HPS3: variants seen among roughly 807,000 people sequenced by gnomAD.
HPS3 encodes HPS3 biogenesis of lysosomal organelles complex 2 subunit 1.
HPS3 carries 79 observed loss-of-function variants against 110.9 expected under a neutral mutation model. The observed-to-expected ratio is 0.71, with a 90% CI of 0.59 to 0.86. The LOEUF (loss-of-function observed/expected upper bound fraction) is 0.86. Among genes scored for constraint, HPS3 ranks in the 40% least tolerant of loss-of-function variants. The pLI, the probability that HPS3 is intolerant of heterozygous loss-of-function variation, is 0.00. For synonymous variants in HPS3, 428 were observed against 451.0 expected, an observed-to-expected ratio of 0.95 and a Z score of 0.65; for missense variants, 1,197 against 1,206.2, an observed-to-expected ratio of 0.99 and a Z score of 0.11.
chr3:149,165,958 G>A, intron 14 of HPS3: 1 of 453,792 alleles, frequency 2.2e-6, no homozygotes, highest in Non-Finnish European at 4.4e-6. Context: ...TATTCTCCTG[G>A]TCATTCCTTG....
intron 8 of HPS3, among the ~76,000 whole-genome samples, chr3:149,157,135 A>G (rs1460466551): frequency 6.6e-6 from 1 of 152,230 alleles, no homozygotes; most frequent in Non-Finnish European, 1.5e-5. Flanking sequence ...GGTATTATTT[A>G]TAATCATGTA....
Position 149,145,428 on chromosome 3 carries a change from CCTCATGTGGGCTAT to C in HPS3, c.1049_1062del (p.His350LeufsTer8). On this transcript the variant is annotated frameshift_variant, in exon 5 of 17. Transcript: ENST00000296051. LOFTEE classifies it high-confidence loss of function. ...GAGTCTCTTTTGCTTTTTCTCCTTA[CCTCATGTGGGCTAT>C]CTCTACATGGTTGTCAAATCTGTTG... 1 of 1,613,928 alleles carries C rather than the reference CCTCATGTGGGCTAT, an allele frequency of 6.2e-7. No individual in the cohort carries two copies. The highest frequency in any genetic ancestry group is 8.5e-7 in the Non-Finnish European group (1 of 1,179,844).
chr3:149,138,718 C>T (rs952884628), intron 1 of HPS3, among the ~76,000 whole-genome samples: 16 of 152,082 alleles, frequency 1.1e-4, no homozygotes, highest in African/African-American at 3.9e-4. Context: ...ATAAGAAAAA[C>T]AAATGAACAA....
chr3:149,164,672 C>G (rs1268570052), intron 14 of HPS3, among the ~76,000 whole-genome samples: 1 of 152,158 alleles, frequency 6.6e-6, no homozygotes, highest in South Asian at 2.1e-4. Flanking sequence ...AGTTTCAAGT[C>G]ACTCTTGAAA....
At chr3:149,168,029 T>G (rs763410416) in intron 16 of HPS3, 46 bp downstream of exon 16, 1 of 1,145,762 alleles carries the variant, frequency 8.7e-7, no homozygotes, top group Admixed American at 1.7e-5. Flanking sequence ...AAGTTTCAGT[T>G]TTAAATTTGG....
chr3:149,160,288 C>T lies in HPS3; in HGVS notation c.2106+9C>T. 4 of 1,576,700 alleles carry T rather than the reference C, an allele frequency of 2.5e-6. No homozygotes were observed. The highest frequency in any genetic ancestry group is 3.5e-6 in the Non-Finnish European group (4 of 1,146,140). On this transcript the variant is annotated intron_variant, in intron 11 of 16. Coordinates refer to ENST00000296051, the MANE Select transcript of HPS3 (RefSeq NM_032383.5). ...TGAAAAGCCATTCAGAGGTATGGAGCTCTGCCCGGTGCTAACAGAAGGCTG... is the reference window on the plus strand; with the variant it reads ...TGAAAAGCCATTCAGAGGTATGGAGTTCTGCCCGGTGCTAACAGAAGGCTG...
chr3:149,162,553 G>A (rs961998417), intron 12 of HPS3, 137 bp from the exon 13 acceptor site: 1 of 1,058,282 alleles, frequency 9.4e-7, no homozygotes, highest in Non-Finnish European at 1.4e-6. Context: ...GTCTAAATTT[G>A]CTTTTGCCAT....
chr3:149,134,824 C>G (rs1054491946), intron 1 of HPS3, among the ~76,000 whole-genome samples: 1 of 152,172 alleles, frequency 6.6e-6, no homozygotes, highest in Non-Finnish European at 1.5e-5. Context: ...ATTAGCATCA[C>G]GGGTCATGTA....
At chr3:149,151,587 TAAAAAAAAAA>T (rs1167453087) in intron 6 of HPS3, among the ~76,000 whole-genome samples, 484 of 40,336 alleles carry the variant, frequency 0.012, 5 homozygotes, top group African/African-American at 0.036. Flanking sequence ...GCTTGGTTTC[TAAAAAAAAAA>T]AAAAAAAAAA....
At chr3:149,147,198 AG>A (rs774420977) in intron 5 of HPS3, among the ~76,000 whole-genome samples, 2 of 152,178 alleles carry the variant, frequency 1.3e-5, no homozygotes, top group Admixed American at 6.5e-5. Flanking sequence ...GTGGGGCAAA[AG>A]AGATGTTTGG....
intron 13 of HPS3, among the ~76,000 whole-genome samples, chr3:149,163,192 G>A (rs1046765089): frequency 1.4e-4 from 22 of 152,174 alleles, no homozygotes; most frequent in African/African-American, 4.8e-4. Context: ...CCTCAGCAGA[G>A]GATCATTAAG....
chr3:149,134,004 C>A (rs556491441), intron 1 of HPS3, among the ~76,000 whole-genome samples: 49 of 151,764 alleles, frequency 3.2e-4, no homozygotes, highest in African/African-American at 1.1e-3. Context: ...AAATGAAAAG[C>A]CTTACTATTT....
rs548445950 is a variant in HPS3 at position 149,143,791 on chromosome 3, C to T, written c.971-1563C>T. ...AGAAAAAAACTGGACAGTTGACTTTCAGCCAAATATGGAGAGTACAGAATT... is the reference window on the plus strand; with the variant it reads ...AGAAAAAAACTGGACAGTTGACTTTTAGCCAAATATGGAGAGTACAGAATT... On this transcript the variant is annotated intron_variant, in intron 4 of 16. Transcript: ENST00000296051. Among the ~76,000 whole-genome samples the T allele has an allele frequency of 9.9e-5, 15 of 152,264 alleles. No individual in the cohort carries two copies. In the South Asian group the frequency reaches 3.1e-3, roughly 32 times the overall value.
Position 149,140,453 on chromosome 3 carries a change from C to T in HPS3, c.667C>T (p.His223Tyr). 2 of 1,613,814 alleles carry T rather than the reference C, an allele frequency of 1.2e-6. No individual in the cohort carries two copies. Among genetic ancestry groups the T allele is most frequent in the Middle Eastern group, 1.6e-4 (1 of 6,062 alleles). ...SGPKNGERVH[H>Y]HPHKTNNRIR... ...CCCTAAAAATGGAGAGAGAGTTCAC[C>T]ACCATCCACATAAGACCAACAATCG... The change falls in exon 2 of 17, where the codon CAC (histidine) becomes TAC (tyrosine). Residue 223 changes from histidine (H) to tyrosine (Y), a missense_variant. His to Tyr is a moderately conservative substitution (Grantham distance 83, BLOSUM62 2). Transcript: ENST00000296051.
At chr3:149,131,513 T>A (rs1430682319) in intron 1 of HPS3, among the ~76,000 whole-genome samples, 3 of 152,168 alleles carry the variant, frequency 2.0e-5, no homozygotes, top group Non-Finnish European at 4.4e-5. Flanking sequence ...ATTGTAGTAG[T>A]TTTGGGGTGC....
Position 149,130,451 on chromosome 3 carries a change from T to A in HPS3, c.217+511T>A, listed in dbSNP as rs1460002168. The A allele has an allele frequency of 3.8e-5, 6 of 159,778 alleles. No individual in the cohort carries two copies. In the East Asian group the frequency reaches 9.0e-4, roughly 24 times the overall value. The allele number at this position is 159,778 out of a possible 1,614,324, so 9.9% of individuals were successfully genotyped here. ...CACATTATGTGTTGATTTTTAAATG[T>A]GTGTAAGTAGAACTCAGACTGCCCC... On this transcript the variant is annotated intron_variant, in intron 1 of 16. Coordinates refer to ENST00000296051, the MANE Select transcript of HPS3 (RefSeq NM_032383.5).
At chr3:149,141,440 T>C in intron 4 of HPS3, 60 bp downstream of exon 4, 1 of 1,390,574 alleles carries the variant, frequency 7.2e-7, no homozygotes, top group Non-Finnish European at 1.0e-6. Context: ...CTGTCTGGGC[T>C]GGGAGTGAAG....
At chr3:149,144,184 G>T (rs183700691) in intron 4 of HPS3, among the ~76,000 whole-genome samples, 167 of 150,888 alleles carry the variant, frequency 1.1e-3, no homozygotes, top group African/African-American at 3.7e-3. Flanking sequence ...AGACCAGCCT[G>T]GCCAATATGG....
chr3:149,140,296 C>T lies in HPS3; in HGVS notation c.510C>T (p.Phe170=). 1 of 1,613,782 alleles carries T rather than the reference C, an allele frequency of 6.2e-7. No homozygotes were observed. The highest frequency in any genetic ancestry group is 8.5e-7 in the Non-Finnish European group (1 of 1,179,682). The change falls in exon 2 of 17, where the codon TTC becomes TTT. Residue 170 remains phenylalanine, a synonymous_variant. Transcript: ENST00000296051. ...SLKYQIINEE[F]SLLDFERSLI... The stretch of plus-strand genomic sequence containing the variant: ...AGTACCAGATCATTAATGAGGAATT[C>T]TCACTATTGGACTTTGAACGTTCTT...
Sources: gnomAD v4.1 joint callset for allele counts (sites outside exome capture counted in the v4.1 genomes callset) on GRCh38, gnomAD v4.1.1 for gene constraint, MANE v1.5 for transcripts, NCBI Gene and HGNC (gene_info 2026-07-23, HGNC 2026-07-21) for gene names.